WDPCP: variants seen among roughly 807,000 people sequenced by gnomAD.
WDPCP encodes WD repeat containing planar cell polarity effector.
In WDPCP, 71 loss-of-function variants were observed where a neutral mutation model predicts 93.1. The ratio of observed to expected loss-of-function variants is 0.76; its 90% CI spans 0.63 to 0.93. WDPCP has a LOEUF of 0.93. Ranked by LOEUF, WDPCP falls within the 40% of genes least tolerant of loss-of-function variation. The pLI is 0.00. For missense variants in WDPCP, 844 were observed against 887.4 expected, an observed-to-expected ratio of 0.95 and a Z score of 0.62; for synonymous variants, 315 against 315.0, an observed-to-expected ratio of 1.00 and a Z score of 0.00.
At chr2:63,807,010 T>G (rs1217133163) in intron 2 of WDPCP, among the ~76,000 whole-genome samples, 1 of 152,134 alleles carries the variant, frequency 6.6e-6, no homozygotes, top group African/African-American at 2.4e-5. Context: ...AAGACAGGCA[T>G]AGGAAATCAC....
chr2:63,590,476 C>T (rs576273390), upstream of WDPCP: 2 of 152,298 alleles, frequency 1.3e-5, no homozygotes, highest in South Asian at 4.1e-4. Flanking sequence ...TTTTTACTAG[C>T]TGAGATTCCG....
chr2:63,496,488 A>T (rs1030789053), intron 1 of WDPCP, among the ~76,000 whole-genome samples: 1 of 152,198 alleles, frequency 6.6e-6, no homozygotes, highest in Non-Finnish European at 1.5e-5. Context: ...AAGGAGAATA[A>T]GCAAAATGAG....
intron 3 of WDPCP, among the ~76,000 whole-genome samples, chr2:63,602,406 CA>C (rs1415078378): frequency 7.9e-6 from 1 of 126,030 alleles, no homozygotes; most frequent in East Asian, 2.6e-4. Flanking sequence ...TCAAAAGTCG[CA>C]AAAAAATAGT....
At chr2:63,584,995 CT>C (rs1250116656) in intron 1 of WDPCP, among the ~76,000 whole-genome samples, 21 of 152,272 alleles carry the variant, frequency 1.4e-4, no homozygotes, top group African/African-American at 4.3e-4. Flanking sequence ...CACTTGACCA[CT>C]CAAAGCAACT....
At chr2:63,532,659 TGA>T (rs988003014) in intron 1 of WDPCP, among the ~76,000 whole-genome samples, 1 of 152,184 alleles carries the variant, frequency 6.6e-6, no homozygotes, top group African/African-American at 2.4e-5. Flanking sequence ...AAGCAAATGC[TGA>T]GAGATTTTGT....
At chr2:63,627,419 G>C (rs148452042) in intron 3 of WDPCP, among the ~76,000 whole-genome samples, 1,914 of 152,306 alleles carry the variant, frequency 0.013, 13 homozygotes, top group Non-Finnish European at 0.021. Flanking sequence ...ATTCTAGGCA[G>C]AAAAGGGCGG....
rs1672247147 is a variant in WDPCP at position 63,156,324 on chromosome 2, G to C, written c.2079-2750C>G. 4.6e-5 allele frequency among the ~76,000 whole-genome samples: 7 copies of C among 151,930 alleles called. No homozygotes were observed. In the South Asian group the frequency reaches 1.5e-3, roughly 32 times the overall value. ...GGCCCATTTATTTTAATCTTCTTAA[G>C]TTTTTAGCATACAGATGGAATGTTT... On this transcript the variant is annotated intron_variant, in intron 15 of 17. Transcript: ENST00000272321.
chr2:63,738,569 T>G (rs1234867780), intron 2 of WDPCP, among the ~76,000 whole-genome samples: 1 of 152,116 alleles, frequency 6.6e-6, no homozygotes, highest in Non-Finnish European at 1.5e-5. Flanking sequence ...AAATGGTGAT[T>G]TTTCAAGCAT....
chr2:63,272,633 A>T (rs1682752177), intron 13 of WDPCP, among the ~76,000 whole-genome samples: 1 of 152,254 alleles, frequency 6.6e-6, no homozygotes, highest in South Asian at 2.1e-4. Flanking sequence ...CAACAGAGAT[A>T]TCATTTAAAA....
intron 13 of WDPCP, among the ~76,000 whole-genome samples, chr2:63,282,167 T>C (rs1277896083): frequency 6.6e-6 from 1 of 152,068 alleles, no homozygotes; most frequent in South Asian, 2.1e-4. Context: ...GCTACTAAAA[T>C]ATAATACAAA....
At chr2:63,411,257 A>C (rs1695000879) in intron 9 of WDPCP, among the ~76,000 whole-genome samples, 1 of 152,230 alleles carries the variant, frequency 6.6e-6, no homozygotes, top group Non-Finnish European at 1.5e-5. Context: ...AATACATGGA[A>C]ATTTAATAAC....
chr2:63,614,074 T>A (rs1211471151), intron 3 of WDPCP, among the ~76,000 whole-genome samples: 1 of 152,140 alleles, frequency 6.6e-6, no homozygotes, highest in East Asian at 1.9e-4. Context: ...ACCGTCACTA[T>A]CCCACCACCT....
rs181758145 is a variant in WDPCP at position 63,444,333 on chromosome 2, T to C, written c.385-4462A>G. 1.8e-3 allele frequency among the ~76,000 whole-genome samples: 267 copies of C among 152,310 alleles called. 2 individuals carry two copies. The highest frequency in any genetic ancestry group is 3.2e-3 in the Non-Finnish European group (218 of 68,030). On this transcript the variant is annotated intron_variant, in intron 6 of 17. Transcript: ENST00000272321. ...ATTAATAAGCTAATTAATGCATTTT[T>C]ATAAAACAGCCTATGGGGAAGCATA...
chr2:63,207,416 C>T (rs1269811235), intron 14 of WDPCP, among the ~76,000 whole-genome samples: 1 of 152,134 alleles, frequency 6.6e-6, no homozygotes, highest in African/African-American at 2.4e-5. Flanking sequence ...CCTGAGGCCT[C>T]CCCAGCCATG....
At chr2:63,660,586 A>G (rs562341042) in intron 2 of WDPCP, among the ~76,000 whole-genome samples, 21 of 152,292 alleles carry the variant, frequency 1.4e-4, no homozygotes, top group African/African-American at 5.1e-4. Flanking sequence ...CTAAAGCTCA[A>G]TGTCACAAAC....
chr2:63,210,495 AG>A (rs1431562780), intron 14 of WDPCP, among the ~76,000 whole-genome samples: 1 of 152,232 alleles, frequency 6.6e-6, no homozygotes, highest in Non-Finnish European at 1.5e-5. Flanking sequence ...ATGGCGGGAT[AG>A]GAACAGCTCC....
intron 1 of WDPCP, among the ~76,000 whole-genome samples, chr2:63,494,278 T>TGACGACGAC (rs1390272003): frequency 4.8e-5 from 5 of 105,134 alleles, no homozygotes; most frequent in African/African-American, 2.1e-4. Context: ...ATGATGATGA[T>TGACGACGAC]GATGATGATG....
chr2:63,815,050 A>G (rs1187068566), intron 1 of WDPCP, among the ~76,000 whole-genome samples: 1 of 152,224 alleles, frequency 6.6e-6, no homozygotes, highest in African/African-American at 2.4e-5. Context: ...TAGACATTGC[A>G]AAAGACTGGA....
At chr2:63,348,247 A>T (rs1689332808) in intron 12 of WDPCP, among the ~76,000 whole-genome samples, 1 of 152,186 alleles carries the variant, frequency 6.6e-6, no homozygotes. Context: ...TAAATTAGGA[A>T]GCTGGGATTC....
Sources: gnomAD v4.1 joint callset for allele counts (sites outside exome capture counted in the v4.1 genomes callset) on GRCh38, gnomAD v4.1.1 for gene constraint, MANE v1.5 for transcripts, NCBI Gene and HGNC (gene_info 2026-07-23, HGNC 2026-07-21) for gene names.